Variants in PDE11A observed in about 807,000 individuals in gnomAD.
PDE11A encodes the protein dual 3',5'-cyclic-AMP and -GMP phosphodiesterase 11A.
A neutral mutation model predicts 100.5 loss-of-function variants in PDE11A; 100 were observed. That is an observed-to-expected ratio of 1.00 (90% confidence interval 0.85 to 1.18). The LOEUF (loss-of-function observed/expected upper bound fraction) is 1.18. Among genes scored for constraint, PDE11A ranks in the 50% most tolerant of loss-of-function variants. The pLI is 0.00. For synonymous variants in PDE11A, 381 were observed against 420.8 expected, an observed-to-expected ratio of 0.91 and a Z score of 1.16; for missense variants, 1,141 against 1,152.6, an observed-to-expected ratio of 0.99 and a Z score of 0.15.
intron 2 of PDE11A, among the ~76,000 whole-genome samples, chr2:178,004,624 A>G (rs1181448038): frequency 2.0e-5 from 3 of 152,206 alleles, no homozygotes; most frequent in Admixed American, 2.0e-4. Context: ...TCCTGAATAA[A>G]TCAGAGAAGA....
chr2:177,828,414 A>G (rs2083259776), intron 6 of PDE11A, among the ~76,000 whole-genome samples: 1 of 152,218 alleles, frequency 6.6e-6, no homozygotes, highest in South Asian at 2.1e-4. Flanking sequence ...CAGCAGTGAA[A>G]AACAACAACA....
intron 2 of PDE11A, among the ~76,000 whole-genome samples, chr2:178,001,311 T>TGTGTGTGTG (rs59287027): frequency 1.8e-4 from 26 of 147,986 alleles, no homozygotes; most frequent in South Asian, 6.5e-4. Context: ...TGTGTGTGTG[T>TGTGTGTGTG]AGTAGGTTTA....
chr2:177,771,784 C>G (rs1574125637), intron 9 of PDE11A, among the ~76,000 whole-genome samples: 1 of 152,076 alleles, frequency 6.6e-6, no homozygotes, highest in Admixed American at 6.6e-5. Context: ...GGGCAGATCA[C>G]CTGAGGTGAG....
At chr2:177,831,940 G>A (rs1018708099) in intron 6 of PDE11A, among the ~76,000 whole-genome samples, 4 of 152,208 alleles carry the variant, frequency 2.6e-5, no homozygotes, top group Non-Finnish European at 4.4e-5. Flanking sequence ...TCAAGGATTG[G>A]TGGGTTGCAT....
chr2:178,014,181 G>T, intron 2 of PDE11A, 121 bp downstream of exon 2: 1 of 737,894 alleles, frequency 1.4e-6, no homozygotes, highest in Middle Eastern at 2.4e-4. Flanking sequence ...ATGAGAAAAA[G>T]CTCTTTGATC....
At chr2:178,028,300 CA>C (rs5836640) in intron 1 of PDE11A, among the ~76,000 whole-genome samples, 29,424 of 131,230 alleles carry the variant, frequency 0.22, 3,224 homozygotes, top group African/African-American at 0.31. Context: ...CATGTTCCAT[CA>C]AAAAAAAAAA....
At chr2:177,808,128 T>C (rs1458829663) in intron 9 of PDE11A, among the ~76,000 whole-genome samples, 1 of 152,208 alleles carries the variant, frequency 6.6e-6, no homozygotes, top group Non-Finnish European at 1.5e-5. Context: ...GATATTGATG[T>C]CAATAGTGGA....
At chr2:177,724,933 T>G (rs965087626) in intron 12 of PDE11A, among the ~76,000 whole-genome samples, 3 of 152,072 alleles carry the variant, frequency 2.0e-5, no homozygotes, top group Non-Finnish European at 4.4e-5. Context: ...ATCCAATGGT[T>G]GGTACATGGT....
intron 5 of PDE11A, among the ~76,000 whole-genome samples, chr2:177,840,884 C>T (rs1263572890): frequency 6.6e-6 from 1 of 152,108 alleles, no homozygotes; most frequent in Non-Finnish European, 1.5e-5. Context: ...ATTTGAAAAA[C>T]AATTTTACTA....
At chr2:177,853,979 C>G (rs1162543964) in intron 5 of PDE11A, among the ~76,000 whole-genome samples, 2 of 149,334 alleles carry the variant, frequency 1.3e-5, no homozygotes, top group Non-Finnish European at 3.0e-5. Flanking sequence ...CACACACACA[C>G]AGCAAGAAAG....
At chr2:177,768,382 G>T (rs2082267059) in intron 10 of PDE11A, among the ~76,000 whole-genome samples, 1 of 152,100 alleles carries the variant, frequency 6.6e-6, no homozygotes, top group Non-Finnish European at 1.5e-5. Flanking sequence ...ATATGCAAAT[G>T]GGACTCTTAG....
chr2:177,822,638 T>C (rs535721599), intron 6 of PDE11A, among the ~76,000 whole-genome samples: 9 of 152,116 alleles, frequency 5.9e-5, no homozygotes, highest in Non-Finnish European at 1.3e-4. Context: ...TATACATTCC[T>C]GGGATTTTTA....
intron 9 of PDE11A, among the ~76,000 whole-genome samples, chr2:177,786,179 T>C (rs1047484769): frequency 2.0e-5 from 3 of 152,158 alleles, no homozygotes; most frequent in African/African-American, 7.2e-5. Context: ...CGGGTACTCC[T>C]CTGAGACAAA....
chr2:177,663,756 C>T (rs919249496), intron 19 of PDE11A, 110 bp downstream of exon 19: 8 of 742,762 alleles, frequency 1.1e-5, no homozygotes, highest in Non-Finnish European at 1.7e-5. Context: ...CAGAGCTCTC[C>T]GCAATGTGCA....
At chr2:177,935,555 A>C (rs541373669) in intron 2 of PDE11A, among the ~76,000 whole-genome samples, 30 of 152,296 alleles carry the variant, frequency 2.0e-4, no homozygotes, top group African/African-American at 7.0e-4. Flanking sequence ...GGCAGTACCC[A>C]AGAGACCACA....
chr2:177,892,971 A>C (rs903043954), intron 4 of PDE11A, among the ~76,000 whole-genome samples: 1 of 151,902 alleles, frequency 6.6e-6, no homozygotes, highest in African/African-American at 2.4e-5. Flanking sequence ...TGACATTGTC[A>C]CCTCTTTTTT....
chr2:177,714,600 G>A (rs1197991782), intron 12 of PDE11A, among the ~76,000 whole-genome samples: 2 of 152,076 alleles, frequency 1.3e-5, no homozygotes, highest in African/African-American at 4.8e-5. Context: ...GTCTAGCAGC[G>A]GGTGAGTTTA....
At chr2:178,077,964 T>A (rs2087228959) in intron 2 of PDE11A, among the ~76,000 whole-genome samples, 1 of 152,154 alleles carries the variant, frequency 6.6e-6, no homozygotes, top group Non-Finnish European at 1.5e-5. Context: ...TGCCTTGATT[T>A]TGGAGTTCTG....
intron 5 of PDE11A, among the ~76,000 whole-genome samples, chr2:177,842,689 G>A (rs2083510778): frequency 6.6e-6 from 1 of 152,214 alleles, no homozygotes; most frequent in Admixed American, 6.5e-5. Context: ...CATGCAGGTG[G>A]GAGGTGATGG....
Sources: gnomAD v4.1 joint callset for allele counts (sites outside exome capture counted in the v4.1 genomes callset) on GRCh38, gnomAD v4.1.1 for gene constraint, MANE v1.5 for transcripts, NCBI Gene and HGNC (gene_info 2026-07-23, HGNC 2026-07-21) for gene names.